Variants in ADGRA3 observed in about 807,000 individuals in gnomAD.
ADGRA3 encodes G-protein coupled receptor 125.
In ADGRA3, 56 loss-of-function variants were observed where a neutral mutation model predicts 119.8. That is an observed-to-expected ratio of 0.47 (90% CI 0.38 to 0.58). The LOEUF is 0.58. ADGRA3 is among the 20% of genes least tolerant of loss of function. ADGRA3 has a pLI of 0.00. For synonymous variants in ADGRA3, 607 were observed against 623.8 expected (o/e 0.97, Z 0.40); for missense variants, 1,516 against 1,649.0 (o/e 0.92, Z 1.40).
At chr4:22,421,881 C>CCAAAAAAAAAAAAAAAAAAAAAAAAA (rs767609157) in intron 11 of ADGRA3, among the ~76,000 whole-genome samples, 2 of 70,442 alleles carry the variant, frequency 2.8e-5, no homozygotes, top group African/African-American at 1.3e-4. Context: ...ACTCAGTCTC[C>CCAAAAAAAAAAAAAAAAAAAAAAAAA]AAAAAAAAAA....
At chr4:22,510,388 C>T (rs1467017681) in intron 1 of ADGRA3, among the ~76,000 whole-genome samples, 5 of 152,114 alleles carry the variant, frequency 3.3e-5, no homozygotes, top group Non-Finnish European at 7.3e-5. Context: ...GCCATTCCAG[C>T]CTTGACACAT....
chr4:22,442,454 T>G (rs942420133), intron 7 of ADGRA3, among the ~76,000 whole-genome samples, 196 bp downstream of exon 7: 5 of 152,110 alleles, frequency 3.3e-5, no homozygotes, highest in African/African-American at 1.2e-4. Flanking sequence ...GTCTTTTCTT[T>G]AAAAACTGGA....
intron 4 of ADGRA3, among the ~76,000 whole-genome samples, chr4:22,453,200 C>CAAAAAAAA (rs530504605): frequency 9.2e-5 from 2 of 21,696 alleles, no homozygotes; most frequent in African/African-American, 2.1e-4. Context: ...GACTCCATCT[C>CAAAAAAAA]AAAAAAAAAA....
chr4:22,429,209 C>T (rs1346135483), intron 10 of ADGRA3, among the ~76,000 whole-genome samples: 1 of 152,142 alleles, frequency 6.6e-6, no homozygotes, highest in African/African-American at 2.4e-5. Flanking sequence ...AATACTGATT[C>T]TACCCTAAGG....
chr4:22,468,105 G>T (rs1300060089), intron 2 of ADGRA3, among the ~76,000 whole-genome samples: 1 of 152,142 alleles, frequency 6.6e-6, no homozygotes, highest in Non-Finnish European at 1.5e-5. Flanking sequence ...TCCTCAGAAT[G>T]TAACTGTGCC....
chr4:22,406,315 T>C (rs974781219), intron 14 of ADGRA3, among the ~76,000 whole-genome samples: 1 of 152,158 alleles, frequency 6.6e-6, no homozygotes, highest in Non-Finnish European at 1.5e-5. Flanking sequence ...ATATACTGAT[T>C]TCCTTTCTTC....
At position 22,387,956 on chromosome 4, in the gene ADGRA3, T is replaced by A; in HGVS notation, c.3715A>T (p.Ser1239Cys). 1.9e-6 allele frequency: 3 copies of A among 1,614,184 alleles called. No individual in the cohort carries two copies. Among genetic ancestry groups the A allele is most frequent in the Non-Finnish European group, 2.5e-6 (3 of 1,180,020 alleles). The change falls in exon 19 of 19, where the codon AGC (serine) becomes TGC (cysteine). Residue 1239 changes from serine to cysteine, a missense_variant. Physicochemically the swap from Ser to Cys is moderately radical, Grantham distance 112. Coordinates refer to ENST00000334304, the MANE Select transcript of ADGRA3 (RefSeq NM_145290.4). Reference sequence around the variant, plus strand: ...GGAAGTGTGCTACAAGCATCGCTGCTGTCTTGCTGGGGTGGGTTGTACTGT... The same window carrying A: ...GGAAGTGTGCTACAAGCATCGCTGCAGTCTTGCTGGGGTGGGTTGTACTGT... ...ERQYNPPQQD[S>C]SDACSTLPKS...
intron 10 of ADGRA3, among the ~76,000 whole-genome samples, chr4:22,434,758 C>T (rs1716325626): frequency 6.6e-6 from 1 of 152,154 alleles, no homozygotes; most frequent in African/African-American, 2.4e-5. Context: ...TGTGGACAAG[C>T]ATATCATGGT....
intron 7 of ADGRA3, 75 bp from the exon 8 acceptor site, chr4:22,438,495 T>A (rs1390871750): frequency 2.6e-6 from 3 of 1,157,096 alleles, no homozygotes; most frequent in Non-Finnish European, 3.6e-6. Flanking sequence ...GTCTCAATCA[T>A]TAATTTAGCA....
Position 22,401,688 on chromosome 4 carries a change from CTA to C in ADGRA3, c.2358-136_2358-135del, listed in dbSNP as rs1434212477. On this transcript the variant is annotated intron_variant, in intron 15 of 18. Transcript: ENST00000334304. ...TATTTAAACATTTAACAAACATATA[CTA>C]CCAGACACACACACACATACACACA... 5.6e-6 allele frequency: 3 copies of C among 539,956 alleles called. No homozygotes were observed. In the East Asian group the frequency reaches 8.8e-5, roughly 16 times the overall value. 33.4% of individuals were successfully genotyped at this position (539,956 alleles called of 1,614,324 possible). A position where few individuals can be genotyped will look rare whatever the true frequency, so the allele number is the denominator to read the frequency against.
chr4:22,388,125 G>A lies in ADGRA3; in HGVS notation c.3546C>T (p.Ser1182=). 6.2e-7 allele frequency: 1 copy of A among 1,614,106 alleles called. No homozygotes were observed. Among genetic ancestry groups the A allele is most frequent in the Non-Finnish European group, 8.5e-7 (1 of 1,179,994 alleles). Reference sequence around the variant, plus strand: ...CATATTCTCTCAGGACTGTGAGTCGGCTTGCCCGGTGTCCTTTACTTCTGT... The same window carrying A: ...CATATTCTCTCAGGACTGTGAGTCGACTTGCCCGGTGTCCTTTACTTCTGT... The part of the protein sequence containing the change: ...HKNRSKGHRA[S]RLTVLREYAY... The change falls in exon 19 of 19, where the codon AGC becomes AGT. Residue 1182 remains serine, a synonymous_variant. Coordinates refer to ENST00000334304, the MANE Select transcript of ADGRA3 (RefSeq NM_145290.4).
Position 22,387,787 on chromosome 4 carries a change from T to G in ADGRA3, c.3884A>C (p.Asn1295Thr), listed in dbSNP as rs772721601. 6.2e-7 allele frequency: 1 copy of G among 1,614,140 alleles called. No homozygotes were observed. The change falls in exon 19 of 19, where the codon AAT (asparagine) becomes ACT (threonine). Residue 1295 changes from asparagine (N) to threonine (T), a missense_variant. By Grantham distance (65) the Asn-to-Thr change is moderately conservative. Transcript: ENST00000334304. ...LAIQNGPIKS[N>T]GQEGPLLGTD... ...ACCGAGCAAGGGTCCCTCCTGCCCATTGCTTTTAATTGGTCCATTCTGAAT... is the reference window on the plus strand; with the variant it reads ...ACCGAGCAAGGGTCCCTCCTGCCCAGTGCTTTTAATTGGTCCATTCTGAAT...
chr4:22,430,561 A>G (rs1416594944), intron 10 of ADGRA3, among the ~76,000 whole-genome samples: 1 of 152,214 alleles, frequency 6.6e-6, no homozygotes, highest in African/African-American at 2.4e-5. Context: ...GCAGCAAAGC[A>G]TTCAAGAGGT....
At chr4:22,475,631 G>T (rs1483353146) in intron 1 of ADGRA3, among the ~76,000 whole-genome samples, 2 of 152,044 alleles carry the variant, frequency 1.3e-5, no homozygotes, top group Non-Finnish European at 2.9e-5. Context: ...GGAGGCTGAC[G>T]CAGGAGAATG....
chr4:22,451,399 G>A (rs1486346111), intron 4 of ADGRA3, among the ~76,000 whole-genome samples: 2 of 151,974 alleles, frequency 1.3e-5, no homozygotes. Flanking sequence ...TCCATTATTG[G>A]CTCCCCGTTT....
chr4:22,401,802 C>T (rs1023064446), intron 15 of ADGRA3, among the ~76,000 whole-genome samples: 1 of 152,016 alleles, frequency 6.6e-6, no homozygotes, highest in Non-Finnish European at 1.5e-5. Flanking sequence ...ATTTATAGAA[C>T]CACTGCACCC....
chr4:22,429,478 G>C (rs1560312527), intron 10 of ADGRA3, among the ~76,000 whole-genome samples: 1 of 152,262 alleles, frequency 6.6e-6, no homozygotes, highest in East Asian at 1.9e-4. Context: ...CTTCCACACA[G>C]GGCCTAGGCC....
At chr4:22,461,850 C>A in intron 2 of ADGRA3, 42 bp from the exon 3 acceptor site, 2 of 1,262,762 alleles carry the variant, frequency 1.6e-6, no homozygotes, top group Non-Finnish European at 2.3e-6. Context: ...ATCAACACTG[C>A]AACAAGTATT....
At chr4:22,459,018 G>C (rs1341132273) in intron 3 of ADGRA3, among the ~76,000 whole-genome samples, 1 of 152,066 alleles carries the variant, frequency 6.6e-6, no homozygotes, top group Non-Finnish European at 1.5e-5. Flanking sequence ...AAGACAAAGA[G>C]AAAATCCTTT....
Sources: allele counts gnomAD v4.1 joint callset (sites outside exome capture counted in the v4.1 genomes callset), GRCh38; gene constraint gnomAD v4.1.1; transcripts MANE v1.5; gene names NCBI Gene and HGNC (gene_info 2026-07-23, HGNC 2026-07-21).